The following PLCH1 variants were observed in gnomAD, a reference collection of about 807,000 sequenced individuals.
PLCH1 encodes the protein 1-phosphatidylinositol 4,5-bisphosphate phosphodiesterase eta-1.
In PLCH1, 60 loss-of-function variants were observed where a neutral mutation model predicts 126.7. That is an observed-to-expected ratio of 0.47 (90% CI 0.38 to 0.59). The LOEUF is 0.59. PLCH1 is among the 20% of genes least tolerant of loss of function. The pLI is 0.00. For missense variants in PLCH1, 1,723 were observed against 2,040.0 expected, an observed-to-expected ratio of 0.84 and a Z score of 2.99; for synonymous variants, 719 against 734.9, an observed-to-expected ratio of 0.98 and a Z score of 0.35.
intron 2 of PLCH1, among the ~76,000 whole-genome samples, chr3:155,675,087 A>G (rs889715372): frequency 5.8e-4 from 89 of 152,324 alleles, no homozygotes; most frequent in African/African-American, 2.0e-3. Context: ...AATCTCAACC[A>G]TGGTACAATT....
intron 2 of PLCH1, among the ~76,000 whole-genome samples, chr3:155,631,511 C>T (rs532311534): frequency 6.6e-6 from 1 of 152,274 alleles, no homozygotes; most frequent in Non-Finnish European, 1.5e-5. Flanking sequence ...AACAATGTAT[C>T]GAACTGTTAT....
intron 4 of PLCH1, among the ~76,000 whole-genome samples, chr3:155,590,546 C>G (rs571325593): frequency 6.7e-6 from 1 of 148,584 alleles, no homozygotes; most frequent in Admixed American, 6.8e-5. Flanking sequence ...CCACTGCACT[C>G]CAGCCTGGGC....
At chr3:155,566,303 A>G (rs71310438) in intron 7 of PLCH1, among the ~76,000 whole-genome samples, 5,824 of 35,178 alleles carry the variant, frequency 0.17, 1,399 homozygotes, top group Middle Eastern at 0.25. Context: ...ATATATACAC[A>G]TATATATACA....
intron 21 of PLCH1, among the ~76,000 whole-genome samples, chr3:155,467,640 T>G (rs1444666777): frequency 6.6e-6 from 1 of 151,580 alleles, no homozygotes; most frequent in Non-Finnish European, 1.5e-5. Context: ...TTACAATACA[T>G]CTGGCTGCAG....
At chr3:155,461,004 A>G (rs1712704125) in intron 21 of PLCH1, among the ~76,000 whole-genome samples, 1 of 152,158 alleles carries the variant, frequency 6.6e-6, no homozygotes, top group African/African-American at 2.4e-5. Context: ...CCTGACTTTC[A>G]TCAGTAGGGA....
intron 11 of PLCH1, among the ~76,000 whole-genome samples, chr3:155,522,998 G>T (rs1042619605): frequency 6.6e-6 from 1 of 151,568 alleles, no homozygotes; most frequent in South Asian, 2.1e-4. Context: ...AGGTGGGGAC[G>T]GAGTCTCGCT....
intron 21 of PLCH1, among the ~76,000 whole-genome samples, chr3:155,460,819 T>C (rs776521761): frequency 6.6e-6 from 1 of 151,076 alleles, no homozygotes; most frequent in African/African-American, 2.5e-5. Flanking sequence ...GATAGATAGA[T>C]AGATAGATAG....
At chr3:155,662,299 A>C (rs1316662344) in intron 2 of PLCH1, among the ~76,000 whole-genome samples, 1 of 152,066 alleles carries the variant, frequency 6.6e-6, no homozygotes, top group East Asian at 1.9e-4. Flanking sequence ...CACACACAAA[A>C]AAAATATTTA....
intron 2 of PLCH1, among the ~76,000 whole-genome samples, chr3:155,699,780 T>C (rs1040725514): frequency 2.0e-5 from 3 of 149,824 alleles, no homozygotes; most frequent in Non-Finnish European, 3.0e-5. Flanking sequence ...GTGTCAGTCC[T>C]AGATATTGGT....
At chr3:155,636,683 T>C (rs1486530049) in intron 2 of PLCH1, among the ~76,000 whole-genome samples, 1 of 151,148 alleles carries the variant, frequency 6.6e-6, no homozygotes, top group East Asian at 1.9e-4. Context: ...GGAGTGGAGG[T>C]TGCAGTGAAC....
intron 7 of PLCH1, 73 bp from the exon 8 acceptor site, chr3:155,565,191 G>T (rs556619176): frequency 1.9e-4 from 182 of 952,288 alleles, no homozygotes; most frequent in Non-Finnish European, 2.6e-4. Context: ...AGGGGCAAAA[G>T]GGGTCAAAAA....
At chr3:155,578,929 C>T (rs928486407) in intron 6 of PLCH1, among the ~76,000 whole-genome samples, 9 of 152,116 alleles carry the variant, frequency 5.9e-5, no homozygotes, top group African/African-American at 2.2e-4. Context: ...CTTCCCAATA[C>T]CCAGAGGAAA....
chr3:155,691,176 T>C (rs1309918020), intron 2 of PLCH1, among the ~76,000 whole-genome samples: 1 of 152,216 alleles, frequency 6.6e-6, no homozygotes, highest in Non-Finnish European at 1.5e-5. Context: ...CAAACCTAGG[T>C]TTGAACTCCA....
intron 21 of PLCH1, among the ~76,000 whole-genome samples, chr3:155,467,509 G>A (rs770373633): frequency 6.6e-6 from 1 of 151,940 alleles, no homozygotes; most frequent in African/African-American, 2.4e-5. Context: ...GGGAGGCAGA[G>A]GTTGCAGTGA....
intron 2 of PLCH1, among the ~76,000 whole-genome samples, chr3:155,618,799 GAAC>G (rs1269769765): frequency 6.6e-6 from 1 of 152,062 alleles, no homozygotes; most frequent in African/African-American, 2.4e-5. Context: ...AAGAAGTGCT[GAAC>G]AATTGCTTTA....
At chr3:155,604,161 T>C (rs1388844093) in intron 2 of PLCH1, among the ~76,000 whole-genome samples, 1 of 151,390 alleles carries the variant, frequency 6.6e-6, no homozygotes, top group African/African-American at 2.4e-5. Context: ...TGTATATAAA[T>C]AAATATATAT....
intron 2 of PLCH1, among the ~76,000 whole-genome samples, chr3:155,634,841 GA>G (rs1577203585): frequency 6.6e-6 from 1 of 152,226 alleles, no homozygotes; most frequent in Admixed American, 6.5e-5. Context: ...TGACAGAGTG[GA>G]GGACTGGATA....
At chr3:155,537,490 T>C (rs1239184663) in intron 10 of PLCH1, among the ~76,000 whole-genome samples, 1 of 152,122 alleles carries the variant, frequency 6.6e-6, no homozygotes, top group Non-Finnish European at 1.5e-5. Context: ...AAATATCTGC[T>C]GTCTTCAAAA....
intron 4 of PLCH1, among the ~76,000 whole-genome samples, chr3:155,590,398 G>GA (rs1731976480): frequency 1.3e-5 from 2 of 152,188 alleles, no homozygotes; most frequent in South Asian, 4.2e-4. Flanking sequence ...CTAACACGGT[G>GA]AAACCCCGTC....
Sources: gnomAD v4.1 joint callset for allele counts (sites outside exome capture counted in the v4.1 genomes callset) on GRCh38, gnomAD v4.1.1 for gene constraint, MANE v1.5 for transcripts, NCBI Gene and HGNC (gene_info 2026-07-23, HGNC 2026-07-21) for gene names.